Variants in SCGB2B2 observed in about 807,000 individuals in gnomAD.
The protein encoded by SCGB2B2 is secretoglobin family 2B member 2.
A neutral mutation model predicts 7.6 loss-of-function variants in SCGB2B2; 11 were observed. The observed-to-expected ratio is 1.45, with a 90% CI of 0.91 to 2.40. The LOEUF (loss-of-function observed/expected upper bound fraction) is 2.40, where lower values mean the gene tolerates loss of function less well. Among genes scored for constraint, SCGB2B2 ranks in the 30% most tolerant of loss-of-function variants. The probability of loss-of-function intolerance (pLI) is 0.00; values close to 1 mark genes in which losing one functional copy is unlikely to be tolerated. For missense variants in SCGB2B2, 104 were observed against 115.4 expected (o/e 0.90, Z 0.45); for synonymous variants, 50 against 48.6 (o/e 1.03, Z -0.12).
chr19:34,662,300 A>G (rs954358554), intron 1 of SCGB2B2, among the ~76,000 whole-genome samples: 1 of 152,174 alleles, frequency 6.6e-6, no homozygotes, highest in South Asian at 2.1e-4. Flanking sequence ...ATATAATTAA[A>G]AAGAAAGGGA....
At chr19:34,655,994 CT>C (rs2067271059) in intron 1 of SCGB2B2, among the ~76,000 whole-genome samples, 2 of 151,300 alleles carry the variant, frequency 1.3e-5, no homozygotes, top group Middle Eastern at 3.4e-3. Flanking sequence ...AAGACTAACC[CT>C]GTTGGAATAA....
Position 34,629,835 on chromosome 19 carries a change from G to A in SCGB2B2, c.-2031-33241C>T, listed in dbSNP as rs542761397. 2.2e-4 allele frequency among the ~76,000 whole-genome samples: 33 copies of A among 152,066 alleles called. No individual in the cohort carries two copies. The East Asian group carries it at 6.0e-3, about 28-fold the overall frequency. On this transcript the variant is annotated intron_variant, in intron 1 of 3. Coordinates refer to ENST00000601241, the MANE Select transcript of SCGB2B2 (RefSeq NM_001025591.4). ...ATCCTAAGCCAAAAGAACAAAGCTG[G>A]AGGCATCACGCTACCTGACTTCAAA... is the stretch of plus-strand genomic sequence containing the variant.
At chr19:34,605,741 CCAT>C in intron 1 of SCGB2B2, among the ~76,000 whole-genome samples, 1 of 152,152 alleles carries the variant, frequency 6.6e-6, no homozygotes, top group South Asian at 2.1e-4. Flanking sequence ...GCATGCACCA[CCAT>C]GTCTGGCTAA....
rs112540660 is a variant in SCGB2B2, at chr19:34,665,018, T to C, written c.-2032+10612A>G. On this transcript the variant is annotated intron_variant, in intron 1 of 3. Coordinates refer to ENST00000601241, the MANE Select transcript of SCGB2B2 (RefSeq NM_001025591.4). ...GGACGCCCCCACACCGGCCCCATCA[T>C]GTACCTGGTGGCCCCAAGGCTGCAG... is the stretch of plus-strand genomic sequence containing the variant. 8.5e-3 allele frequency among the ~76,000 whole-genome samples: 1,290 copies of C among 152,312 alleles called. 18 individuals are homozygous for C. Among genetic ancestry groups the C allele is most frequent in the African/African-American group, 0.029 (1,204 of 41,562 alleles).
intron 1 of SCGB2B2, among the ~76,000 whole-genome samples, chr19:34,622,643 G>A (rs1048285769): frequency 3.9e-5 from 6 of 152,170 alleles, no homozygotes; most frequent in Non-Finnish European, 7.3e-5. Context: ...AAAAAATTGA[G>A]GAGAGCCTCA....
chr19:34,615,045 G>A (rs1349533554), intron 1 of SCGB2B2, among the ~76,000 whole-genome samples: 2 of 152,190 alleles, frequency 1.3e-5, no homozygotes, highest in Non-Finnish European at 2.9e-5. Context: ...AGCTCAGCTT[G>A]GGGATGTTAG....
intron 1 of SCGB2B2, among the ~76,000 whole-genome samples, chr19:34,624,155 TG>T (rs1361368717): frequency 6.6e-6 from 1 of 152,192 alleles, no homozygotes; most frequent in Non-Finnish European, 1.5e-5. Context: ...CAGAGAGGTG[TG>T]GGGCTTGGTG....
At chr19:34,635,788 C>CA (rs2066659042) in intron 1 of SCGB2B2, 1 of 162,136 alleles carries the variant, frequency 6.2e-6, no homozygotes, top group Non-Finnish European at 1.3e-5. Flanking sequence ...AGGTCCTTCT[C>CA]ACAGTACCCA....
At chr19:34,617,186 ATG>A (rs2066107465) in intron 1 of SCGB2B2, among the ~76,000 whole-genome samples, 2 of 152,228 alleles carry the variant, frequency 1.3e-5, no homozygotes, top group African/African-American at 4.8e-5. Flanking sequence ...TTGCTTCCAT[ATG>A]AACTTTAAAG....
intron 1 of SCGB2B2, among the ~76,000 whole-genome samples, chr19:34,607,313 C>T (rs1415095333): frequency 6.6e-6 from 1 of 152,058 alleles, no homozygotes; most frequent in African/African-American, 2.4e-5. Context: ...AGATAGATAG[C>T]TTTTGTGTGT....
intron 1 of SCGB2B2, among the ~76,000 whole-genome samples, chr19:34,602,448 T>C (rs1466053001): frequency 6.6e-6 from 1 of 152,234 alleles, no homozygotes; most frequent in Non-Finnish European, 1.5e-5. Flanking sequence ...AGTGGCGGTT[T>C]CCACTTATTC....
intron 1 of SCGB2B2, among the ~76,000 whole-genome samples, chr19:34,616,302 C>A (rs1175918776): frequency 6.7e-6 from 1 of 148,936 alleles, no homozygotes; most frequent in African/African-American, 2.4e-5. Context: ...TACAGTCCCA[C>A]CGACAGGGTA....
intron 1 of SCGB2B2, among the ~76,000 whole-genome samples, chr19:34,632,342 A>G (rs979975450): frequency 6.6e-6 from 1 of 152,218 alleles, no homozygotes; most frequent in Non-Finnish European, 1.5e-5. Flanking sequence ...AGGCTAGAAG[A>G]CTATACTGGC....
intron 1 of SCGB2B2, among the ~76,000 whole-genome samples, chr19:34,614,451 A>G (rs952706611): frequency 1.3e-5 from 2 of 151,546 alleles, no homozygotes; most frequent in African/African-American, 4.9e-5. Flanking sequence ...CAGTTGCAGG[A>G]TTTCTGTTTT....
chr19:34,587,465 C>T (rs763288010), downstream of SCGB2B2, among the ~76,000 whole-genome samples: 1 of 152,132 alleles, frequency 6.6e-6, no homozygotes, highest in Non-Finnish European at 1.5e-5. Context: ...AAGATCATGT[C>T]CTCTGCAAGC....
chr19:34,635,264 G>A, intron 1 of SCGB2B2: 1 of 286,202 alleles, frequency 3.5e-6, no homozygotes, highest in South Asian at 4.4e-5. Flanking sequence ...CTGCACTCCA[G>A]TGTGGACTTT....
chr19:34,615,439 AT>A (rs74183311), intron 1 of SCGB2B2, among the ~76,000 whole-genome samples: 48,532 of 133,494 alleles, frequency 0.36, 9,091 homozygotes, highest in Middle Eastern at 0.52. Context: ...GAGGTCCAGC[AT>A]TTTTTTTTTT....
At chr19:34,671,535 T>C (rs1004922668) in intron 1 of SCGB2B2, among the ~76,000 whole-genome samples, 21 of 152,208 alleles carry the variant, frequency 1.4e-4, no homozygotes, top group African/African-American at 5.1e-4. Context: ...GGGATTTTGA[T>C]TGGATTGCAT....
intron 1 of SCGB2B2, among the ~76,000 whole-genome samples, chr19:34,659,186 C>T (rs1036862532): frequency 6.6e-6 from 1 of 152,146 alleles, no homozygotes; most frequent in Admixed American, 6.5e-5. Flanking sequence ...CAGTATCATA[C>T]TGAATGGGCA....
Sources: gnomAD v4.1 joint callset for allele counts (sites outside exome capture counted in the v4.1 genomes callset) on GRCh38, gnomAD v4.1.1 for gene constraint, MANE v1.5 for transcripts, NCBI Gene and HGNC (gene_info 2026-07-23, HGNC 2026-07-21) for gene names.